The following COL23A1 variants were observed in gnomAD, a reference collection of about 807,000 sequenced individuals.
COL23A1 encodes the protein collagen alpha-1(XXIII) chain.
COL23A1 carries 97 observed loss-of-function variants against 99.3 expected under a neutral mutation model. The ratio of observed to expected loss-of-function variants is 0.98; its 90% confidence interval spans 0.83 to 1.16. The LOEUF is 1.16. Among genes scored for constraint, COL23A1 ranks in the 50% most tolerant of loss-of-function variants. The pLI, the probability that COL23A1 is intolerant of heterozygous loss-of-function variation, is 0.00. For missense variants in COL23A1, 762 were observed against 757.4 expected (o/e 1.01, Z -0.07); for synonymous variants, 320 against 308.2 (o/e 1.04, Z -0.40).
intron 25 of COL23A1, among the ~76,000 whole-genome samples, chr5:178,245,213 TATC>T (rs1354311975): frequency 7.2e-6 from 1 of 139,360 alleles, no homozygotes; most frequent in African/African-American, 2.7e-5. Flanking sequence ...ACTCATCATC[TATC>T]ATCCATCCAT....
intron 1 of COL23A1, among the ~76,000 whole-genome samples, chr5:178,585,262 G>C (rs1460342418): frequency 1.3e-5 from 2 of 152,184 alleles, no homozygotes; most frequent in Non-Finnish European, 1.5e-5. Context: ...GGTGACAACA[G>C]AAACATTCCA....
chr5:178,550,242 A>C (rs1018037471), intron 2 of COL23A1, among the ~76,000 whole-genome samples: 5 of 152,226 alleles, frequency 3.3e-5, no homozygotes, highest in Non-Finnish European at 5.9e-5. Context: ...TATACAGAAA[A>C]TTTAACCTTT....
chr5:178,326,414 T>TAAA (rs34380897), intron 2 of COL23A1, among the ~76,000 whole-genome samples: 47,863 of 148,148 alleles, frequency 0.32, 8,696 homozygotes, highest in Non-Finnish European at 0.42. Flanking sequence ...AGAGAACATT[T>TAAA]AAAAAAAAAA....
chr5:178,416,513 A>T (rs1765320169), intron 2 of COL23A1, among the ~76,000 whole-genome samples: 1 of 152,224 alleles, frequency 6.6e-6, no homozygotes, highest in East Asian at 1.9e-4. Flanking sequence ...TAGTTGGACC[A>T]GGATGATACG....
intron 27 of COL23A1, 85 bp downstream of exon 27, chr5:178,241,957 T>C: frequency 1.9e-6 from 2 of 1,028,214 alleles, no homozygotes. Flanking sequence ...GACTTGCAGC[T>C]GAGTTCCGAG....
chr5:178,329,819 C>T (rs533202729), intron 2 of COL23A1, among the ~76,000 whole-genome samples: 14 of 152,230 alleles, frequency 9.2e-5, no homozygotes, highest in African/African-American at 3.4e-4. Context: ...AGTCTGTAGT[C>T]CCAGCTACTC....
chr5:178,327,322 G>A (rs987206351), intron 2 of COL23A1, among the ~76,000 whole-genome samples: 1 of 152,178 alleles, frequency 6.6e-6, no homozygotes, highest in African/African-American at 2.4e-5. Context: ...ACACGTGCAG[G>A]TGCCCTGGGT....
intron 3 of COL23A1, among the ~76,000 whole-genome samples, chr5:178,302,237 G>T (rs112257005): frequency 1.0e-3 from 31 of 30,240 alleles, no homozygotes; most frequent in African/African-American, 2.7e-3. Context: ...GGAGCACAGC[G>T]TCAATCCACC....
At chr5:178,334,171 C>T (rs1326831748) in intron 2 of COL23A1, among the ~76,000 whole-genome samples, 1 of 152,200 alleles carries the variant, frequency 6.6e-6, no homozygotes, top group South Asian at 2.1e-4. Flanking sequence ...CTCTGGAGTG[C>T]GGCTGTGATG....
intron 2 of COL23A1, among the ~76,000 whole-genome samples, chr5:178,401,477 T>C (rs191556947): frequency 3.6e-4 from 55 of 151,768 alleles, no homozygotes; most frequent in Non-Finnish European, 7.1e-4. Flanking sequence ...ACCCATGTGG[T>C]GTGTGTCAAT....
At chr5:178,379,861 A>G (rs1386276528) in intron 2 of COL23A1, among the ~76,000 whole-genome samples, 1 of 150,470 alleles carries the variant, frequency 6.6e-6, no homozygotes, top group African/African-American at 2.5e-5. Flanking sequence ...AGCCTGGGCA[A>G]CAAGAGCGAA....
chr5:178,431,106 G>A (rs935075049), intron 2 of COL23A1, among the ~76,000 whole-genome samples: 2 of 152,136 alleles, frequency 1.3e-5, no homozygotes, highest in Non-Finnish European at 2.9e-5. Context: ...AGGGAGCACC[G>A]CCAGCTTATG....
At chr5:178,471,587 G>A (rs1327109508) in intron 2 of COL23A1, among the ~76,000 whole-genome samples, 2 of 152,040 alleles carry the variant, frequency 1.3e-5, no homozygotes, top group Non-Finnish European at 2.9e-5. Context: ...GGCCTTGCTG[G>A]CCAGGGAGAG....
At chr5:178,521,313 G>A (rs953228601) in intron 2 of COL23A1, among the ~76,000 whole-genome samples, 1 of 152,164 alleles carries the variant, frequency 6.6e-6, no homozygotes, top group African/African-American at 2.4e-5. Flanking sequence ...CAGCACTTTG[G>A]GAGGCCAAGG....
chr5:178,489,972 T>G (rs1215792980), intron 2 of COL23A1, among the ~76,000 whole-genome samples: 1 of 151,958 alleles, frequency 6.6e-6, no homozygotes, highest in Non-Finnish European at 1.5e-5. Context: ...GGTGGTTCAC[T>G]CCTGTAATCC....
chr5:178,293,334 G>A (rs1232996873), intron 3 of COL23A1, among the ~76,000 whole-genome samples: 1 of 152,168 alleles, frequency 6.6e-6, no homozygotes, highest in Non-Finnish European at 1.5e-5. Flanking sequence ...GTCCATCTGT[G>A]GAGATGGCAG....
intron 2 of COL23A1, among the ~76,000 whole-genome samples, chr5:178,355,946 A>C (rs1396269310): frequency 6.6e-6 from 1 of 152,232 alleles, no homozygotes; most frequent in Non-Finnish European, 1.5e-5. Context: ...GTGAGCAAAT[A>C]TCTTACCTAT....
chr5:178,534,545 C>G (rs1760827439), intron 2 of COL23A1, among the ~76,000 whole-genome samples: 1 of 152,128 alleles, frequency 6.6e-6, no homozygotes, highest in Non-Finnish European at 1.5e-5. Context: ...ATTTGGGAGG[C>G]CAAGGCGGGC....
intron 6 of COL23A1, among the ~76,000 whole-genome samples, chr5:178,269,305 A>AT (rs1295764954): frequency 1.3e-5 from 2 of 150,398 alleles, no homozygotes; most frequent in Non-Finnish European, 3.0e-5. Context: ...CCATCCATCC[A>AT]TCCATCCATC....
Sources: allele counts gnomAD v4.1 joint callset (sites outside exome capture counted in the v4.1 genomes callset), GRCh38; gene constraint gnomAD v4.1.1; transcripts MANE v1.5; gene names NCBI Gene and HGNC (gene_info 2026-07-23, HGNC 2026-07-21).